The following RNF128 variants were observed in gnomAD, a reference collection of about 807,000 sequenced individuals.
RNF128 encodes ring finger protein 128, also known as E3 ubiquitin-protein ligase RNF128.
A neutral mutation model predicts 26.2 loss-of-function variants in RNF128; 13 were observed. The observed-to-expected ratio is 0.50, with a 90% CI of 0.32 to 0.79. The LOEUF (loss-of-function observed/expected upper bound fraction) is 0.79, where lower values mean the gene tolerates loss of function less well. Ranked by LOEUF, RNF128 falls within the 30% of genes least tolerant of loss-of-function variation. The pLI, the probability that RNF128 is intolerant of heterozygous loss-of-function variation, is 0.03. For missense variants in RNF128, 315 were observed against 349.7 expected (o/e 0.90, Z 0.79); for synonymous variants, 149 against 142.5 (o/e 1.05, Z -0.32).
At chrX:106,708,364 GGAAACAGATT>G (rs1346702506) in intron 1 of RNF128, among the ~76,000 whole-genome samples, 1 of 112,055 alleles carries the variant, frequency 8.9e-6, no homozygotes, top group Non-Finnish European at 1.9e-5. Flanking sequence ...ATGGAGTGAA[GGAAACAGATT>G]CCAGTTCAGA....
At chrX:106,727,703 C>CT (rs1157793791) in intron 1 of RNF128, among the ~76,000 whole-genome samples, 2 of 111,373 alleles carry the variant, frequency 1.8e-5, no homozygotes, top group African/African-American at 6.5e-5. Context: ...GGTGTCTAGC[C>CT]TTGGATTAAG....
intron 1 of RNF128, among the ~76,000 whole-genome samples, chrX:106,745,873 T>G (rs1602376417): frequency 9.0e-6 from 1 of 111,295 alleles, no homozygotes; most frequent in East Asian, 2.8e-4. Context: ...TACTTAGGAT[T>G]CTTGGTCTGA....
chrX:106,759,254 A>G (rs1055379390), intron 1 of RNF128, among the ~76,000 whole-genome samples: 2 of 111,872 alleles, frequency 1.8e-5, no homozygotes, highest in Non-Finnish European at 3.8e-5. Context: ...CCCAGTTAAA[A>G]TGGCTTTTAT....
chrX:106,741,995 T>C (rs1490880773), intron 1 of RNF128, among the ~76,000 whole-genome samples: 1 of 111,928 alleles, frequency 8.9e-6, no homozygotes, highest in Non-Finnish European at 1.9e-5. Flanking sequence ...AAGGGTCTTT[T>C]GAAAAAGAAT....
intron 1 of RNF128, among the ~76,000 whole-genome samples, chrX:106,737,330 A>G (rs1929617380): frequency 9.1e-6 from 1 of 110,473 alleles, no homozygotes; most frequent in Admixed American, 9.8e-5. Flanking sequence ...TAGATTTTCA[A>G]GTACAGTTGT....
intron 1 of RNF128, among the ~76,000 whole-genome samples, chrX:106,771,856 C>T (rs948719608): frequency 5.3e-5 from 6 of 112,506 alleles, no homozygotes; most frequent in African/African-American, 1.3e-4. Flanking sequence ...TGTTCCTATT[C>T]GGCCATCTTG....
intron 3 of RNF128, among the ~76,000 whole-genome samples, chrX:106,785,483 C>G (rs1298820888): frequency 9.0e-6 from 1 of 111,017 alleles, no homozygotes; most frequent in Non-Finnish European, 1.9e-5. Flanking sequence ...GACCACAGTA[C>G]AGTAAGGGAT....
chrX:106,708,327 A>G (rs1341288468), intron 1 of RNF128, among the ~76,000 whole-genome samples: 1 of 112,281 alleles, frequency 8.9e-6, no homozygotes, highest in African/African-American at 3.2e-5. Context: ...ACACAGCTAC[A>G]TAAAGTGCTT....
At chrX:106,719,464 A>G (rs1333306815) in intron 1 of RNF128, among the ~76,000 whole-genome samples, 8 of 111,488 alleles carry the variant, frequency 7.2e-5, no homozygotes, top group African/African-American at 2.6e-4. Context: ...CAGGTGATCC[A>G]CCTGCCTTAG....
At chrX:106,790,403 C>A in intron 5 of RNF128, 121 bp downstream of exon 5, 1 of 426,069 alleles carries the variant, frequency 2.3e-6, no homozygotes, top group East Asian at 4.0e-5. Flanking sequence ...TACCTAAAAC[C>A]AGACATATTT....
chrX:106,780,173 C>T (rs1311881470), intron 2 of RNF128, among the ~76,000 whole-genome samples: 5 of 111,104 alleles, frequency 4.5e-5, no homozygotes, highest in Non-Finnish European at 9.4e-5. Context: ...AAAAGCTGAA[C>T]GCCCTGGGAC....
intron 1 of RNF128, among the ~76,000 whole-genome samples, chrX:106,759,585 A>G (rs757283071): frequency 1.8e-5 from 2 of 112,137 alleles, no homozygotes; most frequent in Non-Finnish European, 3.8e-5. Context: ...CTTACACACA[A>G]TGGAGTACTA....
intron 5 of RNF128, 121 bp from the exon 6 acceptor site, chrX:106,790,945 T>G: frequency 1.7e-6 from 1 of 602,569 alleles, no homozygotes. Context: ...AAAGGGATCA[T>G]AGGTTTAAAA....
At chrX:106,743,327 T>A (rs777488290) in intron 1 of RNF128, among the ~76,000 whole-genome samples, 1 of 112,445 alleles carries the variant, frequency 8.9e-6, no homozygotes, top group South Asian at 3.7e-4. Context: ...AATGGTGATA[T>A]TAACAACTGA....
At chrX:106,694,721 A>C (rs964705799) in intron 1 of RNF128, among the ~76,000 whole-genome samples, 1 of 111,642 alleles carries the variant, frequency 9.0e-6, no homozygotes, top group African/African-American at 3.2e-5. Flanking sequence ...ACATTAAAAA[A>C]TTTAATTTCA....
At chrX:106,772,478 G>T (rs748750556) in intron 1 of RNF128, among the ~76,000 whole-genome samples, 2 of 111,661 alleles carry the variant, frequency 1.8e-5, no homozygotes, top group African/African-American at 6.5e-5. Context: ...GTGAGCTCTT[G>T]AGATAATTTA....
At chrX:106,741,896 T>C (rs1929708207) in intron 1 of RNF128, among the ~76,000 whole-genome samples, 1 of 112,072 alleles carries the variant, frequency 8.9e-6, no homozygotes, top group East Asian at 2.8e-4. Context: ...CTGTAGTAGA[T>C]AGTGTAAAAG....
chrX:106,790,739 A>T (rs1333011895), intron 5 of RNF128, among the ~76,000 whole-genome samples: 1 of 111,124 alleles, frequency 9.0e-6, no homozygotes, highest in Admixed American at 9.7e-5. Flanking sequence ...GATGACAATG[A>T]TTCTCAAGTT....
rs980044176 is a variant in RNF128 at position 106,741,553 on chromosome X, A to G, written c.484+14156A>G. 2.7e-5 allele frequency among the ~76,000 whole-genome samples: 3 copies of G among 112,129 alleles called. No individual in the cohort carries two copies. In the Admixed American group the frequency reaches 2.9e-4, roughly 11 times the overall value. ...CCAAGGTCTATAGGATAGAATTAGT[A>G]TTTAATTTTTTATCTGTTTTTGTGA... On this transcript the variant is annotated intron_variant, in intron 1 of 6. Transcript: ENST00000255499.
Sources: gnomAD v4.1 joint callset for allele counts (sites outside exome capture counted in the v4.1 genomes callset) on GRCh38, gnomAD v4.1.1 for gene constraint, MANE v1.5 for transcripts, NCBI Gene and HGNC (gene_info 2026-07-23, HGNC 2026-07-21) for gene names.